The following MLLT3 variants were observed in gnomAD, a reference collection of about 807,000 sequenced individuals.
The protein encoded by MLLT3 is MLLT3 super elongation complex subunit.
A neutral mutation model predicts 53.2 loss-of-function variants in MLLT3; 4 were observed. That is an observed-to-expected ratio of 0.08 (90% CI 0.04 to 0.17). The LOEUF (loss-of-function observed/expected upper bound fraction) is 0.17, where lower values mean the gene tolerates loss of function less well. MLLT3 is among the 10% of genes least tolerant of loss of function. The pLI is 1.00. For missense variants in MLLT3, 569 were observed against 684.0 expected (o/e 0.83, Z 1.87); for synonymous variants, 283 against 230.6 (o/e 1.23, Z -2.06).
chr9:20,483,698 C>T (rs909102786), intron 2 of MLLT3, among the ~76,000 whole-genome samples: 2 of 68,942 alleles, frequency 2.9e-5, no homozygotes, highest in Non-Finnish European at 5.1e-5. Flanking sequence ...CAGTAAAACT[C>T]TTTTTTTTTT....
At chr9:20,452,668 A>G (rs1823867751) in intron 3 of MLLT3, among the ~76,000 whole-genome samples, 1 of 152,202 alleles carries the variant, frequency 6.6e-6, no homozygotes, top group Admixed American at 6.5e-5. Context: ...AGACCTATTA[A>G]ATTTTTACCA....
rs376964803 is a variant in MLLT3, at chr9:20,407,117, A to G, written c.1125+6604T>C. Among the ~76,000 whole-genome samples the G allele has an allele frequency of 1.4e-3, 206 of 152,312 alleles. 4 individuals carry two copies. The Middle Eastern group carries it at 0.017, about 13-fold the overall frequency. On this transcript the variant is annotated intron_variant, in intron 5 of 10. Transcript: ENST00000380338. ...AGAAAGCACAGCCTACATTTTGAAT[A>G]ACTTAGAGAGGTTATAACATGAATT...
rs368862618 is a variant in MLLT3 at position 20,353,743 on chromosome 9, C to T, written c.1504-147G>A. Reference sequence around the variant, plus strand: ...AGCCCAGGCTGTGTGCACTCAGTGCCCAAAGGCCTCTGCAGAACAAGCCTG... The same window carrying T: ...AGCCCAGGCTGTGTGCACTCAGTGCTCAAAGGCCTCTGCAGAACAAGCCTG... On this transcript the variant is annotated intron_variant, in intron 9 of 10. Transcript: ENST00000380338. 5.1e-5 allele frequency: 34 copies of T among 666,538 alleles called. No homozygotes were observed. In the African/African-American group the frequency reaches 5.6e-4, roughly 11 times the overall value. The allele number at this position is 666,538 out of a possible 1,614,324, so 41.3% of individuals were successfully genotyped here. A position where few individuals can be genotyped will look rare whatever the true frequency, so the allele number is the denominator to read the frequency against.
intron 5 of MLLT3, among the ~76,000 whole-genome samples, chr9:20,373,030 T>G (rs1165519782): frequency 1.3e-5 from 2 of 152,214 alleles, no homozygotes; most frequent in African/African-American, 2.4e-5. Flanking sequence ...CTCGAAGGTA[T>G]GCCTACATAT....
chr9:20,468,605 A>C (rs1432309543), intron 2 of MLLT3, among the ~76,000 whole-genome samples: 1 of 152,230 alleles, frequency 6.6e-6, no homozygotes, highest in Non-Finnish European at 1.5e-5. Context: ...GCAGTAAAAG[A>C]AAAATTAATG....
intron 4 of MLLT3, among the ~76,000 whole-genome samples, chr9:20,436,564 A>AT (rs1823410034): frequency 6.6e-6 from 1 of 152,110 alleles, no homozygotes; most frequent in South Asian, 2.1e-4. Context: ...GGCCCTGGGG[A>AT]TTTTTATTTT....
intron 3 of MLLT3, among the ~76,000 whole-genome samples, chr9:20,452,944 G>C (rs550339687): frequency 5.7e-4 from 86 of 152,210 alleles, no homozygotes; most frequent in African/African-American, 2.0e-3. Context: ...GCTGTGCATT[G>C]CAACTATAGT....
At chr9:20,467,211 C>A (rs181166954) in intron 2 of MLLT3, among the ~76,000 whole-genome samples, 1 of 151,882 alleles carries the variant, frequency 6.6e-6, no homozygotes, top group East Asian at 1.9e-4. Context: ...GAACTCCTGG[C>A]GTCAAGTGAT....
chr9:20,431,343 G>A (rs1823263389), intron 4 of MLLT3, among the ~76,000 whole-genome samples: 1 of 152,048 alleles, frequency 6.6e-6, no homozygotes, highest in South Asian at 2.1e-4. Context: ...GAGTCCTCAT[G>A]TTTCTTAATT....
At chr9:20,407,706 G>A (rs997284748) in intron 5 of MLLT3, among the ~76,000 whole-genome samples, 1 of 152,104 alleles carries the variant, frequency 6.6e-6, no homozygotes, top group Non-Finnish European at 1.5e-5. Flanking sequence ...TCTAAAGATG[G>A]CAACCTTGGG....
rs17758576 is a variant in MLLT3, at chr9:20,515,728, T to C, written c.194-58942A>G. Among the ~76,000 whole-genome samples the C allele has an allele frequency of 0.012, 1,773 of 152,256 alleles. 93 individuals are homozygous for C. In the East Asian group the frequency reaches 0.18, roughly 15 times the overall value. On this transcript the variant is annotated intron_variant, in intron 2 of 10. Coordinates refer to ENST00000380338, the MANE Select transcript of MLLT3 (RefSeq NM_004529.4). ...CTGGGGTCCCATATGGCAACCATAG[T>C]AAGTGGCCACCTCTACTATGGTTGC...
At chr9:20,496,069 C>G (rs1341204622) in intron 2 of MLLT3, among the ~76,000 whole-genome samples, 1 of 152,194 alleles carries the variant, frequency 6.6e-6, no homozygotes, top group Non-Finnish European at 1.5e-5. Context: ...TTGTACTGAC[C>G]TGTGCTTAGT....
At chr9:20,372,585 T>G (rs10964548) in intron 5 of MLLT3, among the ~76,000 whole-genome samples, 2,163 of 145,140 alleles carry the variant, frequency 0.015, 24 homozygotes, top group Non-Finnish European at 0.025. Flanking sequence ...TTTTTTTGTA[T>G]TTTTAGTAGA....
At chr9:20,599,304 C>CAA (rs56820558) in intron 2 of MLLT3, among the ~76,000 whole-genome samples, 27 of 66,662 alleles carry the variant, frequency 4.1e-4, no homozygotes, top group African/African-American at 1.1e-3. Context: ...ACTCTGTCTC[C>CAA]AAAAAAAAAA....
chr9:20,585,354 C>T (rs920545875), intron 2 of MLLT3, among the ~76,000 whole-genome samples: 2 of 152,176 alleles, frequency 1.3e-5, no homozygotes, highest in Admixed American at 6.5e-5. Context: ...ATCAGGGTCC[C>T]ACCCTTTAAC....
At chr9:20,542,395 C>T (rs13287787) in intron 2 of MLLT3, among the ~76,000 whole-genome samples, 5 of 152,090 alleles carry the variant, frequency 3.3e-5, no homozygotes, top group Admixed American at 1.3e-4. Flanking sequence ...GGACTACAGG[C>T]GCCCGCCACC....
chr9:20,416,343 GT>G (rs1380109383), intron 4 of MLLT3, among the ~76,000 whole-genome samples: 1 of 151,620 alleles, frequency 6.6e-6, no homozygotes, highest in Non-Finnish European at 1.5e-5. Flanking sequence ...CACATATTTT[GT>G]AAATAAGTTT....
At chr9:20,543,814 G>A (rs1818710124) in intron 2 of MLLT3, among the ~76,000 whole-genome samples, 1 of 152,142 alleles carries the variant, frequency 6.6e-6, no homozygotes. Flanking sequence ...ACCAAATTAT[G>A]GCATAAGAAC....
At chr9:20,369,912 G>A (rs1472191033) in intron 5 of MLLT3, among the ~76,000 whole-genome samples, 2 of 152,152 alleles carry the variant, frequency 1.3e-5, no homozygotes, top group Admixed American at 6.5e-5. Flanking sequence ...CATGTAGGGC[G>A]TGCACATGTG....
Sources: allele counts gnomAD v4.1 joint callset (sites outside exome capture counted in the v4.1 genomes callset), GRCh38; gene constraint gnomAD v4.1.1; transcripts MANE v1.5; gene names NCBI Gene and HGNC (gene_info 2026-07-23, HGNC 2026-07-21).